NEBL: variants seen among roughly 807,000 people sequenced by gnomAD.
NEBL encodes the protein LIM and SH3 protein 2.
NEBL carries 122 observed loss-of-function variants against 140.2 expected under a neutral mutation model. The ratio of observed to expected loss-of-function variants is 0.87; its 90% confidence interval spans 0.75 to 1.01. The LOEUF is 1.01. Among genes scored for constraint, NEBL ranks in the 50% least tolerant of loss-of-function variants. The probability of loss-of-function intolerance (pLI) is 0.00; values close to 1 mark genes in which losing one functional copy is unlikely to be tolerated. For synonymous variants in NEBL, 436 were observed against 398.9 expected (o/e 1.09, Z -1.11); for missense variants, 1,365 against 1,231.3 (o/e 1.11, Z -1.62).
chr10:21,277,269 C>G (rs904621087), intron 1 of NEBL, among the ~76,000 whole-genome samples: 1 of 145,228 alleles, frequency 6.9e-6, no homozygotes, highest in Non-Finnish European at 1.5e-5. Context: ...AGTGCAGTGG[C>G]ACAATCTCAG....
At chr10:21,172,639 A>G (rs1349205803) in intron 1 of NEBL, among the ~76,000 whole-genome samples, 1 of 151,966 alleles carries the variant, frequency 6.6e-6, no homozygotes, top group African/African-American at 2.4e-5. Flanking sequence ...ACTTTCAGCT[A>G]AGTAAATAAA....
chr10:20,790,446 C>A (rs1835852716), intron 26 of NEBL, among the ~76,000 whole-genome samples: 1 of 151,352 alleles, frequency 6.6e-6, no homozygotes. Context: ...ACTAAAAATA[C>A]AAAAAATTAG....
intron 2 of NEBL, among the ~76,000 whole-genome samples, chr10:21,074,651 T>C (rs1389452883): frequency 3.3e-5 from 5 of 151,974 alleles, no homozygotes; most frequent in Admixed American, 3.3e-4. Context: ...CTAATTTTTT[T>C]GTACTTTCAG....
At chr10:21,113,200 G>T in intron 2 of NEBL, 1 of 322,374 alleles carries the variant, frequency 3.1e-6, no homozygotes, top group East Asian at 9.1e-5. Context: ...AAATCTATAT[G>T]AGATGCTCCA....
intron 4 of NEBL, among the ~76,000 whole-genome samples, chr10:20,912,175 A>G (rs2131467081): frequency 6.6e-6 from 1 of 152,366 alleles, no homozygotes; most frequent in Middle Eastern, 3.4e-3. Flanking sequence ...TAACCAACAC[A>G]ACTATTTTTT....
chr10:21,021,705 AT>A (rs1174379126), intron 2 of NEBL, among the ~76,000 whole-genome samples: 1 of 152,214 alleles, frequency 6.6e-6, no homozygotes, highest in Admixed American at 6.5e-5. Flanking sequence ...CCCTGTGCTA[AT>A]GCTTATCTTG....
At chr10:20,877,316 TC>T (rs1845595590) in intron 5 of NEBL, among the ~76,000 whole-genome samples, 1 of 152,200 alleles carries the variant, frequency 6.6e-6, no homozygotes, top group Non-Finnish European at 1.5e-5. Context: ...TCATCCAGGG[TC>T]ATCCACGCAA....
At chr10:21,011,429 G>A (rs1297886078) in intron 3 of NEBL, among the ~76,000 whole-genome samples, 1 of 152,224 alleles carries the variant, frequency 6.6e-6, no homozygotes, top group Admixed American at 6.5e-5. Context: ...CGGTTGCATT[G>A]AGTCCATTCA....
chr10:20,987,672 T>C (rs1398712007), intron 3 of NEBL, among the ~76,000 whole-genome samples: 1 of 152,164 alleles, frequency 6.6e-6, no homozygotes, highest in Non-Finnish European at 1.5e-5. Context: ...GAAGGGATTA[T>C]AGCAATGCGG....
intron 2 of NEBL, among the ~76,000 whole-genome samples, chr10:20,894,864 G>A (rs1409899440): frequency 6.7e-6 from 1 of 149,530 alleles, no homozygotes; most frequent in Admixed American, 6.7e-5. Flanking sequence ...AGGAGGCGGA[G>A]CTTGCAGTGA....
intron 24 of NEBL, among the ~76,000 whole-genome samples, chr10:20,811,037 C>T (rs1838086936): frequency 1.3e-5 from 2 of 152,130 alleles, no homozygotes; most frequent in Non-Finnish European, 2.9e-5. Flanking sequence ...ATCTGAATTA[C>T]TCAGAAAATC....
At chr10:21,077,871 G>A (rs975775634) in intron 2 of NEBL, among the ~76,000 whole-genome samples, 2 of 152,074 alleles carry the variant, frequency 1.3e-5, no homozygotes, top group South Asian at 2.1e-4. Context: ...TCAACAGCCC[G>A]AGCTATGGGC....
intron 2 of NEBL, among the ~76,000 whole-genome samples, chr10:21,249,778 T>G (rs1358746463): frequency 2.6e-5 from 4 of 152,106 alleles, no homozygotes; most frequent in Non-Finnish European, 1.5e-5. Context: ...TTAAAATGTT[T>G]CCTGGCTGGG....
chr10:20,899,024 T>C (rs59879931), upstream of NEBL, among the ~76,000 whole-genome samples: 2,943 of 152,290 alleles, frequency 0.019, 84 homozygotes, highest in African/African-American at 0.068. Flanking sequence ...ATGCTGAACT[T>C]GGAAACCACA....
At chr10:21,068,239 C>G (rs191116422) in intron 2 of NEBL, among the ~76,000 whole-genome samples, 14 of 152,302 alleles carry the variant, frequency 9.2e-5, no homozygotes, top group Non-Finnish European at 1.8e-4. Context: ...CAGCACTTTT[C>G]AATAAACAGG....
intron 3 of NEBL, among the ~76,000 whole-genome samples, chr10:21,225,032 T>C (rs1376701403): frequency 2.0e-5 from 3 of 152,192 alleles, no homozygotes; most frequent in South Asian, 4.1e-4. Context: ...AGGACTCTAG[T>C]ACTATGTTGA....
At chr10:20,984,986 T>C (rs1837200574) in intron 3 of NEBL, among the ~76,000 whole-genome samples, 1 of 152,190 alleles carries the variant, frequency 6.6e-6, no homozygotes, top group South Asian at 2.1e-4. Context: ...GATGCTCTCA[T>C]GATGATTTGT....
intron 3 of NEBL, among the ~76,000 whole-genome samples, chr10:21,234,358 G>A (rs1306102164): frequency 1.3e-5 from 2 of 152,034 alleles, no homozygotes; most frequent in African/African-American, 4.8e-5. Context: ...AGAGCGGGTT[G>A]TTTAAAGAGC....
At chr10:20,972,964 A>G (rs1367637421) in intron 3 of NEBL, among the ~76,000 whole-genome samples, 2 of 152,168 alleles carry the variant, frequency 1.3e-5, no homozygotes, top group South Asian at 2.1e-4. Flanking sequence ...CTAGAAATAG[A>G]GCACTAATTC....
Sources: gnomAD v4.1 joint callset for allele counts (sites outside exome capture counted in the v4.1 genomes callset) on GRCh38, gnomAD v4.1.1 for gene constraint, MANE v1.5 for transcripts, NCBI Gene and HGNC (gene_info 2026-07-23, HGNC 2026-07-21) for gene names.